The following LIN7A variants were observed in gnomAD, a reference collection of about 807,000 sequenced individuals.
LIN7A encodes the protein lin-7 cell polarity scaffold A.
Under a neutral mutation model 29.8 loss-of-function variants are expected in LIN7A, and 25 were observed. The observed-to-expected ratio is 0.84, with a 90% CI of 0.61 to 1.17. The LOEUF is 1.17. LIN7A is among the 50% of genes most tolerant of loss of function. The pLI is 0.00. For missense variants in LIN7A, 239 were observed against 287.0 expected (o/e 0.83, Z 1.21); for synonymous variants, 118 against 107.5 (o/e 1.10, Z -0.60).
intron 2 of LIN7A, among the ~76,000 whole-genome samples, chr12:80,888,517 T>C (rs1875452718): frequency 6.6e-6 from 1 of 152,158 alleles, no homozygotes; most frequent in Non-Finnish European, 1.5e-5. Context: ...AATTCATCAC[T>C]GAGGATTTTG....
intron 2 of LIN7A, among the ~76,000 whole-genome samples, chr12:80,856,451 CAAGGTCTTG>C (rs1313690235): frequency 6.6e-6 from 1 of 152,020 alleles, no homozygotes; most frequent in Non-Finnish European, 1.5e-5. Flanking sequence ...AGGAATAGGT[CAAGGTCTTG>C]GAGAGGAAGC....
intron 2 of LIN7A, among the ~76,000 whole-genome samples, chr12:80,869,819 C>T (rs901424701): frequency 6.6e-6 from 1 of 151,452 alleles, no homozygotes; most frequent in Non-Finnish European, 1.5e-5. Context: ...TGAATGCTCT[C>T]AACTCTGGCT....
chr12:80,919,756 A>G (rs1411579042), intron 1 of LIN7A, among the ~76,000 whole-genome samples: 3 of 152,162 alleles, frequency 2.0e-5, no homozygotes, highest in African/African-American at 7.2e-5. Flanking sequence ...CTCTCCATAG[A>G]CAGAAGGCTG....
intron 1 of LIN7A, among the ~76,000 whole-genome samples, chr12:80,933,609 C>A (rs964632556): frequency 6.6e-6 from 1 of 152,114 alleles, no homozygotes; most frequent in African/African-American, 2.4e-5. Flanking sequence ...CATCTGACCC[C>A]CGGCTACCAA....
chr12:80,861,500 ACCACTGGG>A, intron 2 of LIN7A: 1 of 152,808 alleles, frequency 6.5e-6, no homozygotes, highest in Admixed American at 6.5e-5. Context: ...TGCTACAACC[ACCACTGGG>A]CCATGAACGG....
At chr12:80,929,312 T>C (rs1877763620) in intron 1 of LIN7A, among the ~76,000 whole-genome samples, 1 of 152,174 alleles carries the variant, frequency 6.6e-6, no homozygotes, top group South Asian at 2.1e-4. Context: ...TCCTCTAAAT[T>C]TTATCTCTTT....
At chr12:80,886,380 T>C (rs928117380) in intron 2 of LIN7A, among the ~76,000 whole-genome samples, 1 of 152,102 alleles carries the variant, frequency 6.6e-6, no homozygotes, top group African/African-American at 2.4e-5. Flanking sequence ...TATATTTTAA[T>C]TGAAGACCTT....
intron 2 of LIN7A, among the ~76,000 whole-genome samples, chr12:80,881,833 A>G (rs1372734906): frequency 2.0e-5 from 3 of 152,170 alleles, no homozygotes; most frequent in African/African-American, 7.2e-5. Flanking sequence ...ATTTCTAGTT[A>G]TCCTTGGTTA....
intron 1 of LIN7A, among the ~76,000 whole-genome samples, chr12:80,927,797 TTGC>T (rs1397048576): frequency 1.3e-5 from 2 of 152,162 alleles, no homozygotes; most frequent in East Asian, 3.9e-4. Flanking sequence ...CCACGTTGGT[TTGC>T]TGCACCCGTC....
At chr12:80,818,726 A>G (rs117879264) in intron 4 of LIN7A, among the ~76,000 whole-genome samples, 3,532 of 152,278 alleles carry the variant, frequency 0.023, 62 homozygotes, top group Non-Finnish European at 0.036. Flanking sequence ...ATGACCTAGG[A>G]ATATATAAAT....
intron 1 of LIN7A, among the ~76,000 whole-genome samples, chr12:80,894,526 AT>A (rs1487988622): frequency 6.6e-6 from 1 of 152,146 alleles, no homozygotes; most frequent in Non-Finnish European, 1.5e-5. Flanking sequence ...TATTTCTAGA[AT>A]TTTCGATTTA....
At chr12:80,828,801 G>GGTGTGTGTGTGTGTGGT (rs1555222953) in intron 4 of LIN7A, among the ~76,000 whole-genome samples, 2 of 151,094 alleles carry the variant, frequency 1.3e-5, no homozygotes, top group African/African-American at 2.4e-5. Flanking sequence ...ATAAATGTGG[G>GGTGTGTGTGTGTGTGGT]GTGTGTGTGT....
At chr12:80,896,082 T>C (rs1457629605) in intron 1 of LIN7A, among the ~76,000 whole-genome samples, 2 of 152,200 alleles carry the variant, frequency 1.3e-5, no homozygotes, top group Non-Finnish European at 2.9e-5. Context: ...GAATAACCTA[T>C]AGTGGTCTTT....
At chr12:80,900,298 C>T (rs1393300572) in intron 1 of LIN7A, among the ~76,000 whole-genome samples, 2 of 152,050 alleles carry the variant, frequency 1.3e-5, no homozygotes, top group South Asian at 4.1e-4. Context: ...TTTTTGTCTT[C>T]TGCTAGCTTT....
At position 80,805,868 on chromosome 12, in the gene LIN7A, G is replaced by A. The variant is rs557388848; in HGVS notation, c.*5597C>T. 2.6e-5 allele frequency among the ~76,000 whole-genome samples: 4 copies of A among 151,744 alleles called. No individual in the cohort carries two copies. The South Asian group carries it at 8.3e-4, about 32-fold the overall frequency. Reference sequence around the variant, plus strand: ...CACGAGATCTGATGGGTTTATCAGGGGTTTCTGCTTGTGTTTATTCCTCAT... The same window carrying A: ...CACGAGATCTGATGGGTTTATCAGGAGTTTCTGCTTGTGTTTATTCCTCAT... On this transcript the variant is annotated intron_variant, in intron 5 of 5. Transcript: ENST00000552864.
chr12:80,863,634 A>G (rs1873986420), intron 2 of LIN7A, among the ~76,000 whole-genome samples: 1 of 152,236 alleles, frequency 6.6e-6, no homozygotes, highest in African/African-American at 2.4e-5. Flanking sequence ...CCTCATTGGT[A>G]GTAACATGTG....
At chr12:80,804,543 T>G (rs1565882665) in intron 5 of LIN7A, among the ~76,000 whole-genome samples, 1 of 151,812 alleles carries the variant, frequency 6.6e-6, no homozygotes. Context: ...TTACTGAATT[T>G]TTTTTTTTTT....
At chr12:80,914,809 G>A (rs1044036970) in intron 1 of LIN7A, among the ~76,000 whole-genome samples, 3 of 152,098 alleles carry the variant, frequency 2.0e-5, no homozygotes, top group African/African-American at 4.8e-5. Context: ...GGGAGGCTGA[G>A]GTAAGAGGAT....
At chr12:80,933,101 G>C (rs1290406513) in intron 1 of LIN7A, among the ~76,000 whole-genome samples, 2 of 152,148 alleles carry the variant, frequency 1.3e-5, no homozygotes, top group African/African-American at 2.4e-5. Context: ...CTCCTCTTAT[G>C]ACCACTTGGA....
Sources: gnomAD v4.1 joint callset for allele counts (sites outside exome capture counted in the v4.1 genomes callset) on GRCh38, gnomAD v4.1.1 for gene constraint, MANE v1.5 for transcripts, NCBI Gene and HGNC (gene_info 2026-07-23, HGNC 2026-07-21) for gene names.